CPSF4: variants seen among roughly 807,000 people sequenced by gnomAD.
The protein encoded by CPSF4 is cleavage and polyadenylation specific factor 4, also known as cleavage and polyadenylation specificity factor subunit 4.
A neutral mutation model predicts 37.7 loss-of-function variants in CPSF4; 11 were observed. The observed-to-expected ratio is 0.29, with a 90% CI of 0.18 to 0.48. CPSF4 has a LOEUF of 0.48. Among genes scored for constraint, CPSF4 ranks in the 20% least tolerant of loss-of-function variants. CPSF4 has a pLI of 0.99. For synonymous variants in CPSF4, 132 were observed against 135.9 expected (o/e 0.97, Z 0.20); for missense variants, 144 against 359.5 (o/e 0.40, Z 4.85).
intron 7 of CPSF4, among the ~76,000 whole-genome samples, chr7:99,456,193 G>A (rs12535424): frequency 0.08 from 12,244 of 152,324 alleles, 579 homozygotes; most frequent in Admixed American, 0.083. Flanking sequence ...TGGCGGCCTT[G>A]TTCTCCCTTG....
intron 1 of CPSF4, chr7:99,443,419 T>A: frequency 1.4e-6 from 2 of 1,438,512 alleles, no homozygotes; most frequent in South Asian, 2.3e-5. Flanking sequence ...ATTCCCTTGG[T>A]CTCCAAACCA....
At chr7:99,443,609 C>T (rs552650952) in intron 1 of CPSF4, 54 of 519,608 alleles carry the variant, frequency 1.0e-4, no homozygotes, top group African/African-American at 8.6e-4. Flanking sequence ...GTCAGGAGTT[C>T]GAGACCAGCC....
Position 99,448,500 on chromosome 7 carries a change from A to C in CPSF4, c.307+227A>C. On this transcript the variant is annotated intron_variant, in intron 3 of 7. Transcript: ENST00000292476. The surrounding 1 kb of genome is among the most constrained non-coding windows in gnomAD (Gnocchi z 4.4). The stretch of plus-strand genomic sequence containing the variant: ...TTTTTTAAAGACATAGGGTCTCGCT[A>C]TGTTTCACATACTGGTCTTGAACTC... 2.3e-6 allele frequency: 1 copy of C among 443,184 alleles called. No individual in the cohort carries two copies. Among genetic ancestry groups the C allele is most frequent in the Non-Finnish European group, 3.9e-6 (1 of 257,898 alleles). 27.5% of individuals were successfully genotyped at this position (443,184 alleles called of 1,614,324 possible). A position where few individuals can be genotyped will look rare whatever the true frequency, so the allele number is the denominator to read the frequency against.
chr7:99,445,262 G>T (rs1797386007), intron 2 of CPSF4, among the ~76,000 whole-genome samples: 1 of 151,942 alleles, frequency 6.6e-6, no homozygotes, highest in Non-Finnish European at 1.5e-5. Flanking sequence ...AACCCATCTT[G>T]CGGGGTCTTG....
rs1319310768 is a variant in CPSF4, at chr7:99,452,452, G to A, written c.570+12G>A. ...AGCCTCCAGCAAAGGTACCGTGCCT[G>A]GCCTTCCTCGGTAGGAAGGAAGTGC... On this transcript the variant is annotated intron_variant, in intron 6 of 7. Coordinates refer to ENST00000292476, the MANE Select transcript of CPSF4 (RefSeq NM_006693.4). 4.3e-6 allele frequency: 7 copies of A among 1,611,514 alleles called. No homozygotes were observed. The highest frequency in any genetic ancestry group is 2.7e-5 in the African/African-American group (2 of 74,812).
At chr7:99,441,389 C>G (rs1283156505) in intron 1 of CPSF4, 1 of 456,136 alleles carries the variant, frequency 2.2e-6, no homozygotes, top group Admixed American at 2.3e-5. Context: ...GGCCCACATA[C>G]CTGTTCCTGA....
intron 7 of CPSF4, among the ~76,000 whole-genome samples, chr7:99,456,028 A>C (rs2151019355): frequency 6.6e-6 from 1 of 152,360 alleles, no homozygotes; most frequent in African/African-American, 2.4e-5. Flanking sequence ...CCTGTGGTGC[A>C]GAAGGGCTTG....
At chr7:99,440,674 A>ATATTTTTTTTTTTT in intron 1 of CPSF4, among the ~76,000 whole-genome samples, 1 of 88,128 alleles carries the variant, frequency 1.1e-5, no homozygotes, top group African/African-American at 9.7e-5. Context: ...ATATATATAT[A>ATATTTTTTTTTTTT]TTTTTTTTTT....
At chr7:99,443,281 G>C (rs1378304324) in intron 1 of CPSF4, 1 of 791,344 alleles carries the variant, frequency 1.3e-6, no homozygotes, top group Admixed American at 1.8e-5. Context: ...GTTTTTTTCA[G>C]GGGGTTCTTC....
rs45562432 is a variant in CPSF4 at position 99,448,406 on chromosome 7, C to T, written c.307+133C>T. 6.5e-4 allele frequency: 615 copies of T among 948,222 alleles called. 1 individual carries two copies. In the African/African-American group the frequency reaches 9.5e-3, roughly 15 times the overall value. 58.7% of individuals were successfully genotyped at this position (948,222 alleles called of 1,614,324 possible). Reference sequence around the variant, plus strand: ...TCTCAGAGGAGAACTCTGGCAGAACCTGCCAGCCTCAGCCAGCTTTTAGGG... The same window carrying T: ...TCTCAGAGGAGAACTCTGGCAGAACTTGCCAGCCTCAGCCAGCTTTTAGGG... On this transcript the variant is annotated intron_variant, in intron 3 of 7. Coordinates refer to ENST00000292476, the MANE Select transcript of CPSF4 (RefSeq NM_006693.4). The surrounding 1 kb of genome is among the most constrained non-coding windows in gnomAD (Gnocchi z 4.4).
At chr7:99,452,088 G>C (rs1271250765) in intron 5 of CPSF4, among the ~76,000 whole-genome samples, 1 of 152,144 alleles carries the variant, frequency 6.6e-6, no homozygotes, top group East Asian at 1.9e-4. Context: ...TCATTTCCGA[G>C]AAGCACTGGC....
intron 1 of CPSF4, among the ~76,000 whole-genome samples, chr7:99,439,818 C>T (rs1796726804): frequency 6.6e-6 from 1 of 152,120 alleles, no homozygotes; most frequent in Non-Finnish European, 1.5e-5. Flanking sequence ...CCCAGCTAGA[C>T]TCTCAAACTC....
chr7:99,455,611 CAG>C (rs1359354071), intron 7 of CPSF4, among the ~76,000 whole-genome samples: 7 of 152,340 alleles, frequency 4.6e-5, no homozygotes, highest in Middle Eastern at 3.4e-3. Context: ...AGCAGGGACT[CAG>C]GGGTGGGTGT....
chr7:99,440,674 A>ATATATATATGTTTTTTTTTT, intron 1 of CPSF4, among the ~76,000 whole-genome samples: 7 of 88,086 alleles, frequency 7.9e-5, no homozygotes, highest in African/African-American at 5.8e-4. Context: ...ATATATATAT[A>ATATATATATGTTTTTTTTTT]TTTTTTTTTT....
In CPSF4 at chr7:99,443,033, GA is replaced by G; in HGVS notation, c.104-1755del. On this transcript the variant is annotated intron_variant, in intron 1 of 7. Transcript: ENST00000292476. ...CTTCAGACTTTCTGGAAATTGAAGA[GA>G]CATTCAAACCAAATCTTTGAGCTCT... The G allele has an allele frequency of 2.3e-6, 3 of 1,297,180 alleles. No homozygotes were observed. The South Asian group carries it at 3.5e-5, about 15-fold the overall frequency. The allele number at this position is 1,297,180 out of a possible 1,614,324, so 80.4% of individuals were successfully genotyped here.
In CPSF4 at chr7:99,448,324, G is replaced by A. The variant is rs373786651; in HGVS notation, c.307+51G>A. Reference sequence around the variant, plus strand: ...TCTGCTGAGAACCAGGGTGCAGAGGGGTCCGCTGGCTGCTCAGTGCCCACA... The same window carrying A: ...TCTGCTGAGAACCAGGGTGCAGAGGAGTCCGCTGGCTGCTCAGTGCCCACA... On this transcript the variant is annotated intron_variant, in intron 3 of 7. Transcript: ENST00000292476. The surrounding 1 kb of genome is among the most constrained non-coding windows in gnomAD (Gnocchi z 4.4). The A allele has an allele frequency of 2.5e-6, 4 of 1,594,328 alleles. No homozygotes were observed. The highest frequency in any genetic ancestry group is 2.7e-5 in the African/African-American group (2 of 74,386).
At chr7:99,450,856 G>GT in intron 5 of CPSF4, 61 bp downstream of exon 5, 1 of 1,287,078 alleles carries the variant, frequency 7.8e-7, no homozygotes, top group African/African-American at 1.5e-5. Flanking sequence ...GCTGCCCTCC[G>GT]TATCTTCCCT....
chr7:99,453,603 G>C lies in CPSF4; in HGVS notation c.571-363G>C. 5.5e-6 allele frequency: 1 copy of C among 181,752 alleles called. No individual in the cohort carries two copies. Among genetic ancestry groups the C allele is most frequent in the African/African-American group, 2.4e-5 (1 of 42,372 alleles). 11.3% of individuals were successfully genotyped at this position (181,752 alleles called of 1,614,324 possible). Reference sequence around the variant, plus strand: ...TTTTCTGTGACTTGCTCGCCGTGTAGGCTGCTAAACATCTGGCTGAACCAA... The same window carrying C: ...TTTTCTGTGACTTGCTCGCCGTGTACGCTGCTAAACATCTGGCTGAACCAA... On this transcript the variant is annotated intron_variant, in intron 6 of 7. Coordinates refer to ENST00000292476, the MANE Select transcript of CPSF4 (RefSeq NM_006693.4). The surrounding 1 kb of genome is among the most constrained non-coding windows in gnomAD (Gnocchi z 4.7).
chr7:99,456,141 A>G (rs983611272), intron 7 of CPSF4, among the ~76,000 whole-genome samples: 2 of 152,020 alleles, frequency 1.3e-5, no homozygotes, highest in Non-Finnish European at 2.9e-5. Context: ...CAGGTGGGAG[A>G]GTTGTGGGCC....
Sources: gnomAD v4.1 joint callset for allele counts (sites outside exome capture counted in the v4.1 genomes callset) on GRCh38, gnomAD v4.1.1 for gene constraint, Gnocchi (gnomAD v3.1) non-coding constraint, MANE v1.5 for transcripts, NCBI Gene and HGNC (gene_info 2026-07-23, HGNC 2026-07-21) for gene names.